Variants in GBE1 observed in about 807,000 individuals in gnomAD.
GBE1 encodes 1,4-alpha-glucan branching enzyme 1, also known as 1,4-alpha-glucan-branching enzyme.
GBE1 carries 70 observed loss-of-function variants against 88.8 expected under a neutral mutation model. The observed-to-expected ratio is 0.79, with a 90% CI of 0.65 to 0.96. The LOEUF (loss-of-function observed/expected upper bound fraction) is 0.96. Among genes scored for constraint, GBE1 ranks in the 40% least tolerant of loss-of-function variants. The pLI is 0.00. For synonymous variants in GBE1, 284 were observed against 300.1 expected (o/e 0.95, Z 0.56); for missense variants, 872 against 871.0 (o/e 1.00, Z -0.01).
At chr3:81,754,443 A>G (rs186653009) in intron 1 of GBE1, among the ~76,000 whole-genome samples, 22 of 152,062 alleles carry the variant, frequency 1.4e-4, no homozygotes, top group African/African-American at 5.3e-4. Context: ...TATTCTTCAC[A>G]GAAATATAAA....
Position 81,750,580 on chromosome 3 carries a change from TATATATAC to T in GBE1, c.143+10787_143+10794del, listed in dbSNP as rs1424938996. Among the ~76,000 whole-genome samples, 8 of 58,164 alleles carry T rather than the reference TATATATAC, an allele frequency of 1.4e-4. 1 individual carries two copies. The highest frequency in any genetic ancestry group is 6.1e-4 in the African/African-American group (7 of 11,402). The allele number at this position is 58,164 out of a possible 152,430, so 38.2% of individuals were successfully genotyped here. ...ATATATATGTATATATATATACGTA[TATATATAC>T]GTATATATATATGTGTATATATATA... On this transcript the variant is annotated intron_variant, in intron 1 of 15. Coordinates refer to ENST00000429644, the MANE Select transcript of GBE1 (RefSeq NM_000158.4).
At chr3:81,714,166 C>A (rs1705908744) in intron 1 of GBE1, among the ~76,000 whole-genome samples, 1 of 152,090 alleles carries the variant, frequency 6.6e-6, no homozygotes, top group East Asian at 1.9e-4. Flanking sequence ...TATTTTGAAC[C>A]CTGATGTCTT....
intron 1 of GBE1, among the ~76,000 whole-genome samples, chr3:81,722,896 G>GTGTGTATATATATA (rs756121951): frequency 7.4e-6 from 1 of 135,322 alleles, no homozygotes; most frequent in African/African-American, 2.8e-5. Flanking sequence ...GTGTGTGTGT[G>GTGTGTATATATATA]TATATATATA....
Position 81,651,030 on chromosome 3 carries a change from G to A in GBE1, c.430-1109C>T, listed in dbSNP as rs186583701. ...TTTTTACTAAACTTTCTAAAAGGAG[G>A]TAGAATACAATTTTAAAAATCCAGA... On this transcript the variant is annotated intron_variant, in intron 3 of 15. Transcript: ENST00000429644. Among the ~76,000 whole-genome samples the A allele has an allele frequency of 6.7e-4, 102 of 152,246 alleles. 1 individual carries two copies. Among genetic ancestry groups the A allele is most frequent in the Admixed American group, 2.7e-3 (42 of 15,298 alleles).
intron 14 of GBE1, among the ~76,000 whole-genome samples, chr3:81,510,438 C>T (rs755485023): frequency 6.6e-6 from 1 of 151,884 alleles, no homozygotes; most frequent in Non-Finnish European, 1.5e-5. Context: ...TTTAGAAAGC[C>T]GAAGAACAGG....
chr3:81,646,360 TA>T (rs770573677), intron 6 of GBE1, 31 bp downstream of exon 6: 2 of 1,340,174 alleles, frequency 1.5e-6, no homozygotes, highest in Non-Finnish European at 2.1e-6. Context: ...TGGCTCAAAA[TA>T]AAAATGAACA....
chr3:81,623,105 T>C (rs1704355080), intron 7 of GBE1, among the ~76,000 whole-genome samples: 1 of 152,130 alleles, frequency 6.6e-6, no homozygotes, highest in Non-Finnish European at 1.5e-5. Flanking sequence ...AAACACAGAA[T>C]AAACTGAATA....
At chr3:81,563,620 T>G (rs904767076) in intron 12 of GBE1, among the ~76,000 whole-genome samples, 1 of 152,072 alleles carries the variant, frequency 6.6e-6, no homozygotes, top group African/African-American at 2.4e-5. Flanking sequence ...AGGTGACCTA[T>G]CCAGTTCCCT....
rs11293813 is a variant in GBE1 at position 81,642,507 on chromosome 3, TA to T, written c.992+273del. On this transcript the variant is annotated intron_variant, in intron 7 of 15. Transcript: ENST00000429644. ...ATTGATAAAGTGGCCTTTTAGATAT[TA>T]AAAAAAAATGATTCACAGTAAAATT... 0.06 allele frequency: 16,079 copies of T among 268,502 alleles called. 904 individuals are homozygous for T. The highest frequency in any genetic ancestry group is 0.17 in the African/African-American group (7,557 of 43,926). The allele number at this position is 268,502 out of a possible 1,614,324, so 16.6% of individuals were successfully genotyped here.
chr3:81,665,132 C>T (rs1705092777), intron 3 of GBE1, among the ~76,000 whole-genome samples: 1 of 152,104 alleles, frequency 6.6e-6, no homozygotes, highest in Non-Finnish European at 1.5e-5. Flanking sequence ...CATTTAATTT[C>T]TGTGGGTTGA....
intron 3 of GBE1, among the ~76,000 whole-genome samples, chr3:81,651,529 A>C (rs1177645962): frequency 1.3e-5 from 2 of 152,172 alleles, no homozygotes; most frequent in Non-Finnish European, 2.9e-5. Flanking sequence ...CAAAACATGA[A>C]TCAATAAGAC....
chr3:81,567,936 C>T (rs75079634), intron 12 of GBE1, among the ~76,000 whole-genome samples: 88 of 152,236 alleles, frequency 5.8e-4, no homozygotes, highest in Middle Eastern at 3.4e-3. Context: ...CCTATAATGA[C>T]CTTTATGATC....
At position 81,581,197 on chromosome 3, in the gene GBE1, T is replaced by C. The variant is rs749416254; in HGVS notation, c.1414A>G (p.Lys472Glu). The C allele has an allele frequency of 2.1e-5, 33 of 1,607,036 alleles. 1 individual carries two copies. In the South Asian group the frequency reaches 3.6e-4, roughly 17 times the overall value. The change falls in exon 11 of 16, where the codon AAG becomes GAG. Residue 472 changes from lysine to glutamate, a missense_variant. Coordinates refer to ENST00000429644, the MANE Select transcript of GBE1 (RefSeq NM_000158.4). ...YTLTNRRYLE[K>E]CIAYAESHDQ... ...TGGCTCTCTGCATAAGCAATGCACT[T>C]TTCAAGGTAGCGCCTGTTTGTGAGC...
intron 7 of GBE1, among the ~76,000 whole-genome samples, chr3:81,602,936 T>C (rs984444542): frequency 2.0e-5 from 3 of 152,156 alleles, no homozygotes; most frequent in Admixed American, 2.0e-4. Flanking sequence ...ATCTCATCTT[T>C]TCTTGGCTGA....
intron 2 of GBE1, among the ~76,000 whole-genome samples, chr3:81,675,270 C>A (rs994790539): frequency 6.6e-6 from 1 of 151,932 alleles, no homozygotes; most frequent in Non-Finnish European, 1.5e-5. Flanking sequence ...GGTCAAGGGA[C>A]TTCTGAAATC....
At chr3:81,527,229 T>C (rs553935737) in intron 14 of GBE1, among the ~76,000 whole-genome samples, 6 of 152,234 alleles carry the variant, frequency 3.9e-5, no homozygotes, top group African/African-American at 1.2e-4. Context: ...TCAAGATGGA[T>C]TAAATATTTA....
chr3:81,746,509 C>A (rs912641825), intron 1 of GBE1, among the ~76,000 whole-genome samples: 2 of 152,166 alleles, frequency 1.3e-5, no homozygotes, highest in Non-Finnish European at 2.9e-5. Context: ...AGTCCAACCA[C>A]CTCAGCCTCC....
chr3:81,740,371 ATCTC>A (rs1332463158), intron 1 of GBE1, among the ~76,000 whole-genome samples: 1 of 151,850 alleles, frequency 6.6e-6, no homozygotes, highest in African/African-American at 2.4e-5. Flanking sequence ...TACATAGAGG[ATCTC>A]TCTCTTTTTT....
intron 3 of GBE1, among the ~76,000 whole-genome samples, chr3:81,653,077 T>C (rs1428423801): frequency 6.6e-6 from 1 of 152,188 alleles, no homozygotes; most frequent in Non-Finnish European, 1.5e-5. Flanking sequence ...CTTGATACTG[T>C]CAAATGGGAG....
Sources: gnomAD v4.1 joint callset for allele counts (sites outside exome capture counted in the v4.1 genomes callset) on GRCh38, gnomAD v4.1.1 for gene constraint, MANE v1.5 for transcripts, NCBI Gene and HGNC (gene_info 2026-07-23, HGNC 2026-07-21) for gene names.